The following ZFHX4 variants were observed in gnomAD, a reference collection of about 807,000 sequenced individuals.
The protein encoded by ZFHX4 is zinc finger homeobox protein 4.
Under a neutral mutation model 267.6 loss-of-function variants are expected in ZFHX4, and 56 were observed. The ratio of observed to expected loss-of-function variants is 0.21; its 90% CI spans 0.17 to 0.26. The LOEUF (loss-of-function observed/expected upper bound fraction) is 0.26. Among genes scored for constraint, ZFHX4 ranks in the 10% least tolerant of loss-of-function variants. The pLI is 1.00. For synonymous variants in ZFHX4, 1,778 were observed against 1,665.6 expected (o/e 1.07, Z -1.64); for missense variants, 4,332 against 4,420.0 (o/e 0.98, Z 0.56).
chr8:76,698,934 C>T (rs1359855995), intron 1 of ZFHX4, among the ~76,000 whole-genome samples: 1 of 152,114 alleles, frequency 6.6e-6, no homozygotes, highest in East Asian at 1.9e-4. Context: ...GAAGCATTTT[C>T]TCTCGTGCTG....
At chr8:76,737,911 T>A (rs1585896031) in intron 3 of ZFHX4, among the ~76,000 whole-genome samples, 1 of 152,186 alleles carries the variant, frequency 6.6e-6, no homozygotes, top group African/African-American at 2.4e-5. Context: ...AATTATTTCA[T>A]GCCCTGTGAG....
At chr8:76,842,617 G>T (rs774942513) in intron 5 of ZFHX4, 38 bp from the exon 6 acceptor site, 2 of 1,498,916 alleles carry the variant, frequency 1.3e-6, no homozygotes, top group East Asian at 4.9e-5. Context: ...CTTTTGGGCG[G>T]TTTTCAGTTC....
intron 4 of ZFHX4, among the ~76,000 whole-genome samples, chr8:76,796,166 A>C (rs2131816676): frequency 6.6e-6 from 1 of 152,206 alleles, no homozygotes; most frequent in Admixed American, 6.5e-5. Context: ...TTGAATGGAC[A>C]GTTTATATTG....
At chr8:76,697,955 A>G (rs186904437) in intron 1 of ZFHX4, among the ~76,000 whole-genome samples, 41 of 152,202 alleles carry the variant, frequency 2.7e-4, no homozygotes, top group African/African-American at 9.4e-4. Context: ...AGGAAAAAAA[A>G]GTCAGTATAT....
intron 3 of ZFHX4, among the ~76,000 whole-genome samples, chr8:76,753,895 T>C (rs1809691924): frequency 1.3e-5 from 2 of 152,148 alleles, no homozygotes; most frequent in South Asian, 4.1e-4. Context: ...CCCAAAGTTT[T>C]GGGATCACCG....
rs753086673 is a variant in ZFHX4, at chr8:76,707,561, C to G, written c.2606C>G (p.Pro869Arg). 8.2e-6 allele frequency: 13 copies of G among 1,581,592 alleles called. 1 individual carries two copies. Among genetic ancestry groups the G allele is most frequent in the East Asian group, 2.3e-5 (1 of 44,242 alleles). ...LAPGLVNNEL[P>R]PEIRLASGQL... ...TTTCCTGTAGTAAATAATGAGCTGCCGCCTGAAATCCGGCTTGCCAGTGGT... is the reference window on the plus strand; with the variant it reads ...TTTCCTGTAGTAAATAATGAGCTGCGGCCTGAAATCCGGCTTGCCAGTGGT... The change falls in exon 3 of 11, where the codon CCG becomes CGG. Residue 869 changes from proline (P) to arginine (R), a missense_variant. By Grantham distance (103) the Pro-to-Arg change is moderately radical. Coordinates refer to ENST00000651372, the MANE Select transcript of ZFHX4 (RefSeq NM_024721.5).
intron 3 of ZFHX4, among the ~76,000 whole-genome samples, chr8:76,711,735 A>C (rs1808428807): frequency 6.6e-6 from 1 of 152,154 alleles, no homozygotes; most frequent in African/African-American, 2.4e-5. Flanking sequence ...ATGATCTCCA[A>C]CTTCTTCTAA....
chr8:76,682,868 C>T (rs1807579335), intron 1 of ZFHX4, among the ~76,000 whole-genome samples: 1 of 152,094 alleles, frequency 6.6e-6, no homozygotes, highest in African/African-American at 2.4e-5. Context: ...CCGGGTCTCT[C>T]CTTCCTTCTA....
At chr8:76,760,448 G>C (rs1283516146) in intron 3 of ZFHX4, among the ~76,000 whole-genome samples, 1 of 152,166 alleles carries the variant, frequency 6.6e-6, no homozygotes, top group Non-Finnish European at 1.5e-5. Flanking sequence ...TGGAGGTACA[G>C]TTTGAGAGTA....
chr8:76,719,535 C>T (rs1408510390), intron 3 of ZFHX4, among the ~76,000 whole-genome samples: 1 of 151,824 alleles, frequency 6.6e-6, no homozygotes, highest in East Asian at 1.9e-4. Context: ...CTACAAAAGG[C>T]AAGTCCTGCT....
intron 3 of ZFHX4, among the ~76,000 whole-genome samples, chr8:76,752,498 A>C (rs1048949601): frequency 6.0e-5 from 9 of 150,258 alleles, no homozygotes; most frequent in Non-Finnish European, 8.9e-5. Flanking sequence ...AAAAAAAAAA[A>C]AAAAAAAAAA....
At chr8:76,832,008 G>GC (rs1057379878) in intron 4 of ZFHX4, among the ~76,000 whole-genome samples, 1 of 146,508 alleles carries the variant, frequency 6.8e-6, no homozygotes, top group Non-Finnish European at 1.5e-5. Context: ...TTAGTGGGGG[G>GC]GGGCACTGAG....
chr8:76,855,704 G>T lies in ZFHX4; in HGVS notation c.8783G>T (p.Gly2928Val), dbSNP rs1205670770. ...PFKSKSNDRP[G>V]HKRFRTQMSN... ...AAATCCAAAAGTAATGATCGGCCGG[G>T]TCACAAGCGTTTTCGAACGCAAATG... The change falls in exon 10 of 11, where the codon GGT (glycine) becomes GTT (valine). Residue 2928 changes from glycine to valine, a missense_variant. This residue lies in a region of ZFHX4 where 1,648 missense variants were observed against 1,625.0 expected (regional missense o/e 1.01). Transcript: ENST00000651372. 1 of 1,613,784 alleles carries T rather than the reference G, an allele frequency of 6.2e-7. No homozygotes were observed. Among genetic ancestry groups the T allele is most frequent in the African/African-American group, 1.3e-5 (1 of 74,908 alleles).
chr8:76,798,861 T>C (rs1212885581), intron 4 of ZFHX4, among the ~76,000 whole-genome samples: 1 of 152,096 alleles, frequency 6.6e-6, no homozygotes, highest in Admixed American at 6.6e-5. Flanking sequence ...AATGGAACCA[T>C]ACATTGACTA....
In ZFHX4 at chr8:76,789,733, G is replaced by A. The variant is rs112938500; in HGVS notation, c.3325+11294G>A. 8.7e-3 allele frequency among the ~76,000 whole-genome samples: 1,326 copies of A among 152,052 alleles called. 5 individuals are homozygous for A. Among genetic ancestry groups the A allele is most frequent in the Non-Finnish European group, 0.014 (951 of 67,944 alleles). On this transcript the variant is annotated intron_variant, in intron 4 of 10. Transcript: ENST00000651372. ...AGGGTTTTAAAAGTTTAATTTCTACGCTATTAATGGAATTGAAAATAGTGT... is the reference window on the plus strand; with the variant it reads ...AGGGTTTTAAAAGTTTAATTTCTACACTATTAATGGAATTGAAAATAGTGT...
Position 76,849,004 on chromosome 8 carries a change from C to T in ZFHX4, c.3521C>T (p.Thr1174Ile). Residue 1174 changes from threonine to isoleucine, a missense_variant, in exon 7 of 11, where the codon ACA becomes ATA. Thr to Ile is a moderately conservative substitution (Grantham distance 89). This residue lies in a region of ZFHX4 where 1,371 missense variants were observed against 1,423.1 expected (regional missense o/e 0.96). Coordinates refer to ENST00000651372, the MANE Select transcript of ZFHX4 (RefSeq NM_024721.5). Reference protein sequence around the residue: ...KNSNKDSGIITPEKELKVSVA... With the variant: ...KNSNKDSGIIIPEKELKVSVA... ...TCTTTTTGGGAATCAGGGATAATCACACCAGAGAAGGAACTAAAAGTTAGT... is the reference window on the plus strand; with the variant it reads ...TCTTTTTGGGAATCAGGGATAATCATACCAGAGAAGGAACTAAAAGTTAGT... The T allele has an allele frequency of 6.5e-7, 1 of 1,540,840 alleles. No homozygotes were observed. Among genetic ancestry groups the T allele is most frequent in the Admixed American group, 2.1e-5 (1 of 47,200 alleles).
At chr8:76,843,730 C>G (rs1233047857) in intron 6 of ZFHX4, among the ~76,000 whole-genome samples, 1 of 152,036 alleles carries the variant, frequency 6.6e-6, no homozygotes, top group Non-Finnish European at 1.5e-5. Flanking sequence ...CTAGTGACAG[C>G]CACATATAAA....
chr8:76,778,541 C>T lies in ZFHX4; in HGVS notation c.3325+102C>T, dbSNP rs530121506. 9 of 962,900 alleles carry T rather than the reference C, an allele frequency of 9.3e-6. No individual in the cohort carries two copies. The East Asian group carries it at 2.2e-4, about 24-fold the overall frequency. The allele number at this position is 962,900 out of a possible 1,614,324, so 59.6% of individuals were successfully genotyped here. A position where few individuals can be genotyped will look rare whatever the true frequency, so the allele number is the denominator to read the frequency against. Reference sequence around the variant, plus strand: ...CACACACACGCCTCAAACTCTCCAACTCGAGCCTGTCCCCCAGTGTAAAAC... The same window carrying T: ...CACACACACGCCTCAAACTCTCCAATTCGAGCCTGTCCCCCAGTGTAAAAC... On this transcript the variant is annotated intron_variant, in intron 4 of 10. Coordinates refer to ENST00000651372, the MANE Select transcript of ZFHX4 (RefSeq NM_024721.5).
chr8:76,845,012 G>A (rs1215545831), intron 6 of ZFHX4, among the ~76,000 whole-genome samples: 2 of 151,956 alleles, frequency 1.3e-5, no homozygotes, highest in African/African-American at 2.4e-5. Context: ...AAAAATACTA[G>A]CAAGCTTACA....
Sources: gnomAD v4.1 joint callset for allele counts (sites outside exome capture counted in the v4.1 genomes callset) on GRCh38, gnomAD v4.1.1 for gene constraint, gnomAD v4.1.1 regional missense constraint, MANE v1.5 for transcripts, NCBI Gene and HGNC (gene_info 2026-07-23, HGNC 2026-07-21) for gene names.